The following MACROD2 variants were observed in gnomAD, a reference collection of about 807,000 sequenced individuals.
The protein encoded by MACROD2 is ADP-ribose glycohydrolase MACROD2.
Under a neutral mutation model 70.4 loss-of-function variants are expected in MACROD2, and 36 were observed. That is an observed-to-expected ratio of 0.51 (90% CI 0.39 to 0.68). The LOEUF is 0.68. Ranked by LOEUF, MACROD2 falls within the 30% of genes least tolerant of loss-of-function variation. MACROD2 has a pLI of 0.00. For missense variants in MACROD2, 496 were observed against 538.4 expected, an observed-to-expected ratio of 0.92 and a Z score of 0.78; for synonymous variants, 172 against 178.8, an observed-to-expected ratio of 0.96 and a Z score of 0.30.
intron 3 of MACROD2, among the ~76,000 whole-genome samples, chr20:14,103,257 A>G (rs958886807): frequency 2.0e-5 from 3 of 152,176 alleles, no homozygotes; most frequent in African/African-American, 7.2e-5. Context: ...GAGCCCTGCT[A>G]TCCCTATTTT....
chr20:15,806,059 T>C (rs555564220), intron 8 of MACROD2, among the ~76,000 whole-genome samples: 2 of 152,348 alleles, frequency 1.3e-5, no homozygotes, highest in African/African-American at 4.8e-5. Flanking sequence ...CCTCTGGAGA[T>C]ATAGTCAGTA....
chr20:16,015,575 T>C (rs1052747143), intron 15 of MACROD2, among the ~76,000 whole-genome samples: 1 of 152,226 alleles, frequency 6.6e-6, no homozygotes, highest in African/African-American at 2.4e-5. Context: ...GAAATCACAA[T>C]GGATATTTTA....
chr20:14,800,670 A>T (rs2072564304), intron 5 of MACROD2, among the ~76,000 whole-genome samples: 1 of 152,146 alleles, frequency 6.6e-6, no homozygotes, highest in Non-Finnish European at 1.5e-5. Context: ...CTTTCAGGTT[A>T]TAATAAAAAT....
chr20:14,624,747 C>G (rs1413837405), intron 4 of MACROD2, among the ~76,000 whole-genome samples: 2 of 152,086 alleles, frequency 1.3e-5, no homozygotes, highest in Admixed American at 1.3e-4. Context: ...CTGCTCACAC[C>G]AATAGCTGCA....
Position 15,337,964 on chromosome 20 carries a change from G to A in MACROD2, c.541-93441G>A, listed in dbSNP as rs145732853. On this transcript the variant is annotated intron_variant, in intron 6 of 17. Transcript: ENST00000684519. ...CGTTTGTGTTTTGTTTACATTTCAC[G>A]TTAGCCTTTCAGGGAAATCAGGATG... Among the ~76,000 whole-genome samples the A allele has an allele frequency of 4.3e-3, 646 of 151,820 alleles. 21 individuals carry two copies. The highest frequency in any genetic ancestry group is 0.015 in the African/African-American group (606 of 41,130).
chr20:15,546,824 A>G (rs780679744), intron 8 of MACROD2, among the ~76,000 whole-genome samples: 8 of 152,166 alleles, frequency 5.3e-5, no homozygotes, highest in Non-Finnish European at 1.2e-4. Flanking sequence ...TCTGATTCAT[A>G]TATCACTCAG....
intron 6 of MACROD2, among the ~76,000 whole-genome samples, chr20:15,342,614 G>T (rs546642614): frequency 3.3e-5 from 5 of 152,272 alleles, no homozygotes; most frequent in South Asian, 2.1e-4. Flanking sequence ...GTCAGGGAAG[G>T]TCTTTTATTA....
chr20:15,417,305 C>T (rs971776883), intron 6 of MACROD2, among the ~76,000 whole-genome samples: 8 of 151,614 alleles, frequency 5.3e-5, no homozygotes, highest in Non-Finnish European at 8.8e-5. Context: ...AAAGTGTGGT[C>T]CTGGGCCAGA....
At chr20:15,746,115 G>C (rs930036037) in intron 8 of MACROD2, among the ~76,000 whole-genome samples, 4 of 151,906 alleles carry the variant, frequency 2.6e-5, no homozygotes, top group African/African-American at 9.7e-5. Flanking sequence ...AATTTGATGA[G>C]AATTTTATAA....
intron 10 of MACROD2, among the ~76,000 whole-genome samples, chr20:15,928,924 A>AGATTTTTTTATAAAAGAGTGCT (rs2065531398): frequency 6.6e-6 from 1 of 152,190 alleles, no homozygotes. Flanking sequence ...ATTAAAGACT[A>AGATTTTTTTATAAAAGAGTGCT]GATTTTTTTA....
chr20:14,041,290 A>T (rs1227918111), intron 2 of MACROD2, among the ~76,000 whole-genome samples: 1 of 152,016 alleles, frequency 6.6e-6, no homozygotes, highest in Admixed American at 6.6e-5. Context: ...GAGTTTTTTG[A>T]TTTTTCTTTT....
At chr20:15,495,716 C>T (rs1440968523) in intron 7 of MACROD2, among the ~76,000 whole-genome samples, 2 of 152,198 alleles carry the variant, frequency 1.3e-5, no homozygotes, top group Non-Finnish European at 2.9e-5. Context: ...ATCTGCCTCC[C>T]AGGGTTTTCA....
At chr20:15,750,047 C>G (rs2051244848) in intron 8 of MACROD2, among the ~76,000 whole-genome samples, 1 of 151,934 alleles carries the variant, frequency 6.6e-6, no homozygotes. Flanking sequence ...AAAGGAAAAA[C>G]AGAGTAAAGA....
intron 5 of MACROD2, among the ~76,000 whole-genome samples, chr20:15,079,236 G>A (rs1347924575): frequency 1.3e-5 from 2 of 151,816 alleles, no homozygotes; most frequent in African/African-American, 4.8e-5. Flanking sequence ...TCAGTTACAG[G>A]GAATTTTAGC....
chr20:15,024,693 A>G (rs1237358487), intron 5 of MACROD2, among the ~76,000 whole-genome samples: 1 of 152,144 alleles, frequency 6.6e-6, no homozygotes, highest in East Asian at 1.9e-4. Flanking sequence ...ACTTCTTTAT[A>G]ATTCTATACC....
intron 5 of MACROD2, among the ~76,000 whole-genome samples, chr20:14,954,460 A>T (rs535894140): frequency 6.9e-6 from 1 of 144,534 alleles, no homozygotes; most frequent in Non-Finnish European, 1.5e-5. Flanking sequence ...GTAAAATGGA[A>T]TTGAAATTAT....
chr20:15,567,506 C>G (rs2146619097), intron 8 of MACROD2, among the ~76,000 whole-genome samples: 1 of 152,352 alleles, frequency 6.6e-6, no homozygotes, highest in South Asian at 2.1e-4. Flanking sequence ...ATATAAACCA[C>G]TCCCTGGGAG....
intron 6 of MACROD2, among the ~76,000 whole-genome samples, chr20:15,312,615 G>A (rs2077765233): frequency 6.6e-6 from 1 of 152,098 alleles, no homozygotes; most frequent in Non-Finnish European, 1.5e-5. Context: ...ATAAATTAAA[G>A]GAAATGTATG....
chr20:14,731,825 C>T (rs1316747105), intron 5 of MACROD2, among the ~76,000 whole-genome samples: 1 of 151,988 alleles, frequency 6.6e-6, no homozygotes, highest in East Asian at 1.9e-4. Flanking sequence ...GAAGCAGATA[C>T]GAGAATCCAG....
Sources: gnomAD v4.1 joint callset for allele counts (sites outside exome capture counted in the v4.1 genomes callset) on GRCh38, gnomAD v4.1.1 for gene constraint, MANE v1.5 for transcripts, NCBI Gene and HGNC (gene_info 2026-07-23, HGNC 2026-07-21) for gene names.